Variants in NEMP1 observed in about 807,000 individuals in gnomAD.
NEMP1 encodes nuclear envelope integral membrane protein 1, also known as transmembrane protein 194.
Under a neutral mutation model 53.7 loss-of-function variants are expected in NEMP1, and 29 were observed. The observed-to-expected ratio is 0.54, with a 90% CI of 0.40 to 0.74. NEMP1 has a LOEUF of 0.74. Ranked by LOEUF, NEMP1 falls within the 30% of genes least tolerant of loss-of-function variation. The pLI is 0.00. For missense variants in NEMP1, 477 were observed against 528.6 expected, an observed-to-expected ratio of 0.90 and a Z score of 0.96; for synonymous variants, 193 against 192.9, an observed-to-expected ratio of 1.00 and a Z score of 0.00.
chr12:57,074,037 T>C (rs2032483154), intron 1 of NEMP1, among the ~76,000 whole-genome samples: 1 of 151,990 alleles, frequency 6.6e-6, no homozygotes, highest in Admixed American at 6.6e-5. Context: ...AATGTGATCA[T>C]AGCTCATTGC....
intron 7 of NEMP1, among the ~76,000 whole-genome samples, chr12:57,062,872 C>A (rs774469461): frequency 1.3e-5 from 2 of 151,740 alleles, no homozygotes; most frequent in Non-Finnish European, 2.9e-5. Context: ...TTTGCACCAC[C>A]TTGTGGTAAC....
At chr12:57,069,163 A>T in intron 4 of NEMP1, 71 bp downstream of exon 4, 1 of 1,079,012 alleles carries the variant, frequency 9.3e-7, no homozygotes, top group Non-Finnish European at 1.3e-6. Flanking sequence ...GGCAGTACTT[A>T]ATAGTTACTA....
At chr12:57,069,121 G>T in intron 4 of NEMP1, 113 bp downstream of exon 4, 1 of 630,682 alleles carries the variant, frequency 1.6e-6, no homozygotes, top group Non-Finnish European at 2.6e-6. Context: ...AGCAGGCAAC[G>T]GCCAAGCCAT....
chr12:57,078,786 G>A lies in NEMP1; in HGVS notation c.-41C>T. 2 of 1,583,538 alleles carry A rather than the reference G, an allele frequency of 1.3e-6. No homozygotes were observed. The highest frequency in any genetic ancestry group is 1.3e-5 in the African/African-American group (1 of 74,490). On this transcript the variant is annotated 5_prime_UTR_variant, in exon 1 of 9. Coordinates refer to ENST00000300128, the MANE Select transcript of NEMP1 (RefSeq NM_001130963.2). ...CCTCCTCCTCACGTGCCTTACCCCA[G>A]CAACTAACTCCGAACGGGCAACGAC...
At chr12:57,069,120 C>T (rs1011992519) in intron 4 of NEMP1, 114 bp downstream of exon 4, 32 of 627,236 alleles carry the variant, frequency 5.1e-5, no homozygotes, top group Middle Eastern at 2.6e-4. Flanking sequence ...AAGCAGGCAA[C>T]GGCCAAGCCA....
intron 4 of NEMP1, among the ~76,000 whole-genome samples, chr12:57,067,249 G>A (rs565449242): frequency 2.2e-3 from 340 of 152,036 alleles, no homozygotes; most frequent in Non-Finnish European, 2.4e-3. Flanking sequence ...GCATGAACCC[G>A]GAAGGTGGAG....
intron 1 of NEMP1, among the ~76,000 whole-genome samples, chr12:57,076,121 T>C (rs970650647): frequency 3.3e-5 from 5 of 151,992 alleles, no homozygotes; most frequent in Non-Finnish European, 7.4e-5. Flanking sequence ...TAAAAATGTA[T>C]ACACAAAGAT....
chr12:57,080,692 A>C (rs2032822653), upstream of NEMP1, among the ~76,000 whole-genome samples: 1 of 151,922 alleles, frequency 6.6e-6, no homozygotes, highest in African/African-American at 2.4e-5. Flanking sequence ...GAAGTTCGAG[A>C]CCAGCCTGGC....
At chr12:57,071,689 T>G (rs1301011972) in intron 2 of NEMP1, among the ~76,000 whole-genome samples, 1 of 152,078 alleles carries the variant, frequency 6.6e-6, no homozygotes, top group Admixed American at 6.6e-5. Flanking sequence ...TGTCAGACAT[T>G]TTTTTTAAAG....
At chr12:57,065,521 CT>C (rs548466246) in intron 4 of NEMP1, among the ~76,000 whole-genome samples, 20,343 of 134,774 alleles carry the variant, frequency 0.15, 1,856 homozygotes, top group African/African-American at 0.32. Context: ...CTTGGTTCAT[CT>C]TTTTTTTTTT....
intron 1 of NEMP1, among the ~76,000 whole-genome samples, chr12:57,073,560 C>G: frequency 6.6e-6 from 1 of 152,140 alleles, no homozygotes; most frequent in Non-Finnish European, 1.5e-5. Flanking sequence ...AGGAGAATCA[C>G]TTGAACTTGG....
intron 4 of NEMP1, among the ~76,000 whole-genome samples, chr12:57,066,536 C>T (rs1203152981): frequency 6.6e-6 from 1 of 152,182 alleles, no homozygotes; most frequent in Non-Finnish European, 1.5e-5. Flanking sequence ...CAGTTGAAGA[C>T]TCACAATCTA....
In NEMP1 at chr12:57,058,336, TA is replaced by T. The variant is rs1187103186; in HGVS notation, c.*1542del. ...GTCTAAAGGAGTCATTACGGCTTTT[TA>T]AAAAATCATCTGCCTTTTTCCATCA... On this transcript the variant is annotated 3_prime_UTR_variant, in exon 9 of 9. Transcript: ENST00000300128. 2.0e-5 allele frequency: 3 copies of T among 152,294 alleles called. No individual in the cohort carries two copies. The highest frequency in any genetic ancestry group is 7.2e-5 in the African/African-American group (3 of 41,532). 9.4% of individuals were successfully genotyped at this position (152,294 alleles called of 1,614,324 possible).
At chr12:57,073,312 C>T (rs985559222) in intron 1 of NEMP1, among the ~76,000 whole-genome samples, 3 of 151,826 alleles carry the variant, frequency 2.0e-5, no homozygotes, top group Non-Finnish European at 4.4e-5. Flanking sequence ...CCACCGTGCC[C>T]GGCTAATTTT....
intron 3 of NEMP1, 80 bp from the exon 4 acceptor site, chr12:57,069,386 T>A: frequency 1.1e-6 from 1 of 892,714 alleles, no homozygotes; most frequent in Non-Finnish European, 1.7e-6. Context: ...ACGTTGGCAC[T>A]ATTGGTCAGC....
chr12:57,068,698 TGG>T lies in NEMP1; in HGVS notation c.545+534_545+535del, dbSNP rs566000147. On this transcript the variant is annotated intron_variant, in intron 4 of 8. Transcript: ENST00000300128. ...CTCCTGCCTCAGCCTCACAAGTAGC[TGG>T]GACTACAGGCGCCCGCCACCACGCC... Among the ~76,000 whole-genome samples the T allele has an allele frequency of 5.9e-3, 905 of 152,304 alleles. 3 individuals carry two copies. Among genetic ancestry groups the T allele is most frequent in the Non-Finnish European group, 0.01 (712 of 68,018 alleles).
In NEMP1 at chr12:57,065,521, CTTTTT is replaced by C. The variant is rs548466246; in HGVS notation, c.546-787_546-783del. Among the ~76,000 whole-genome samples the C allele has an allele frequency of 1.3e-4, 18 of 134,968 alleles. No homozygotes were observed. In the East Asian group the frequency reaches 2.1e-3, roughly 16 times the overall value. The allele number at this position is 134,968 out of a possible 152,430, so 88.5% of individuals were successfully genotyped here. On this transcript the variant is annotated intron_variant, in intron 4 of 8. Coordinates refer to ENST00000300128, the MANE Select transcript of NEMP1 (RefSeq NM_001130963.2). ...GCTTCTATATCAGTGCTTGGTTCAT[CTTTTT>C]TTTTTTTTTTTTTGAGACAAAGTCT... is the stretch of plus-strand genomic sequence containing the variant.
chr12:57,062,463 G>A (rs1272862574), intron 7 of NEMP1, among the ~76,000 whole-genome samples: 1 of 151,592 alleles, frequency 6.6e-6, no homozygotes, highest in Non-Finnish European at 1.5e-5. Context: ...CTGGGTGACA[G>A]AGAGAGACTC....
intron 6 of NEMP1, among the ~76,000 whole-genome samples, chr12:57,063,853 CA>C (rs1158510814): frequency 6.6e-6 from 1 of 151,916 alleles, no homozygotes; most frequent in Non-Finnish European, 1.5e-5. Context: ...TTATAAATAC[CA>C]ATAAATGAAC....
Sources: allele counts gnomAD v4.1 joint callset (sites outside exome capture counted in the v4.1 genomes callset), GRCh38; gene constraint gnomAD v4.1.1; transcripts MANE v1.5; gene names NCBI Gene and HGNC (gene_info 2026-07-23, HGNC 2026-07-21).